PCDHA5: variants seen among roughly 807,000 people sequenced by gnomAD.
PCDHA5 encodes protocadherin alpha-5.
A neutral mutation model predicts 61.6 loss-of-function variants in PCDHA5; 43 were observed. The observed-to-expected ratio is 0.70, with a 90% confidence interval of 0.55 to 0.90. The LOEUF (loss-of-function observed/expected upper bound fraction) is 0.90, where lower values mean the gene tolerates loss of function less well. Among genes scored for constraint, PCDHA5 ranks in the 40% least tolerant of loss-of-function variants. The pLI is 0.00. For synonymous variants in PCDHA5, 627 were observed against 543.9 expected (o/e 1.15, Z -2.13); for missense variants, 1,298 against 1,222.7 (o/e 1.06, Z -0.92).
intron 1 of PCDHA5, among the ~76,000 whole-genome samples, chr5:140,909,491 A>T (rs1031839388): frequency 1.3e-5 from 2 of 152,218 alleles, no homozygotes; most frequent in Non-Finnish European, 2.9e-5. Flanking sequence ...GGAGAGCTGA[A>T]CGGGGATGTG....
At chr5:140,843,653 C>G in intron 1 of PCDHA5, 1 of 1,595,020 alleles carries the variant, frequency 6.3e-7, no homozygotes, top group Non-Finnish European at 8.6e-7. Context: ...CTGCCTTCCT[C>G]CTGATCTGGG....
chr5:140,866,610 G>A (rs1177328697), intron 1 of PCDHA5: 2 of 152,124 alleles, frequency 1.3e-5, no homozygotes, highest in Admixed American at 1.3e-4. Context: ...TGGTTTTGGA[G>A]AACCTCCTGG....
intron 1 of PCDHA5, among the ~76,000 whole-genome samples, chr5:140,892,079 G>A (rs985463495): frequency 2.0e-5 from 3 of 152,066 alleles, no homozygotes; most frequent in Admixed American, 6.6e-5. Context: ...ATAATTTCTA[G>A]TTTCCTCTCG....
chr5:140,830,435 A>G (rs1771062233), intron 1 of PCDHA5: 2 of 1,613,132 alleles, frequency 1.2e-6, no homozygotes, highest in African/African-American at 2.7e-5. Context: ...TTGTCCTATT[A>G]TGATGGGTAA....
intron 1 of PCDHA5, among the ~76,000 whole-genome samples, chr5:140,940,929 A>G (rs2092704989): frequency 1.3e-5 from 2 of 152,230 alleles, no homozygotes; most frequent in Non-Finnish European, 2.9e-5. Flanking sequence ...CTCCTTGGCT[A>G]CTTAGACTAC....
chr5:140,826,565 G>T (rs1768967744), intron 1 of PCDHA5, among the ~76,000 whole-genome samples: 1 of 152,090 alleles, frequency 6.6e-6, no homozygotes, highest in South Asian at 2.1e-4. Flanking sequence ...TTGAAGGAGG[G>T]GTTTAATCAC....
chr5:140,872,717 T>TA (rs781995084), intron 1 of PCDHA5, among the ~76,000 whole-genome samples: 11 of 152,194 alleles, frequency 7.2e-5, no homozygotes, highest in Non-Finnish European at 1.5e-4. Context: ...ACTAGGTAAA[T>TA]AAAATTATTC....
intron 1 of PCDHA5, chr5:140,842,155 A>G (rs1554138828): frequency 1.2e-6 from 2 of 1,613,884 alleles, no homozygotes; most frequent in East Asian, 2.2e-5. Context: ...GGGCAATTTC[A>G]TATTCTTTTA....
chr5:140,993,996 G>T (rs1163632974), intron 3 of PCDHA5, among the ~76,000 whole-genome samples: 1 of 152,148 alleles, frequency 6.6e-6, no homozygotes, highest in Non-Finnish European at 1.5e-5. Flanking sequence ...CTTAGGTCAG[G>T]CCAGGCTCTG....
At chr5:140,824,425 C>T (rs1768118879) in intron 1 of PCDHA5, 1 of 502,786 alleles carries the variant, frequency 2.0e-6, no homozygotes, top group Non-Finnish European at 3.5e-6. Flanking sequence ...TGGAGTCATT[C>T]TCAAAGTTTC....
chr5:140,970,423 G>A (rs2096404787), intron 1 of PCDHA5, among the ~76,000 whole-genome samples: 1 of 151,762 alleles, frequency 6.6e-6, no homozygotes, highest in Admixed American at 6.6e-5. Context: ...AAGGTGTAGA[G>A]GCAGGTGTTA....
intron 1 of PCDHA5, among the ~76,000 whole-genome samples, chr5:140,838,112 GT>G (rs1775545429): frequency 6.7e-6 from 1 of 149,312 alleles, no homozygotes; most frequent in Non-Finnish European, 1.5e-5. Context: ...GTGTGTGTGT[GT>G]GTGTGTGTGT....
At chr5:140,860,280 G>A (rs1339122152) in intron 1 of PCDHA5, 2 of 151,906 alleles carry the variant, frequency 1.3e-5, no homozygotes, top group Admixed American at 1.3e-4. Context: ...ACTTGGGAGG[G>A]TGAGGTGGGA....
At chr5:140,825,740 A>G (rs1768694817) in intron 1 of PCDHA5, 1 of 152,450 alleles carries the variant, frequency 6.6e-6, no homozygotes, top group South Asian at 2.1e-4. Flanking sequence ...TATATTGATG[A>G]GGAGTAACTG....
intron 1 of PCDHA5, among the ~76,000 whole-genome samples, chr5:140,840,978 T>C (rs1453461465): frequency 6.6e-6 from 1 of 152,022 alleles, no homozygotes; most frequent in African/African-American, 2.4e-5. Context: ...GAAGAAGAAA[T>C]CCCTAGCTGA....
intron 1 of PCDHA5, chr5:140,871,192 G>T (rs1582019516): frequency 2.5e-6 from 4 of 1,613,668 alleles, no homozygotes; most frequent in Non-Finnish European, 3.4e-6. Flanking sequence ...GGATGTCAAC[G>T]TGTACCTGAT....
intron 1 of PCDHA5, among the ~76,000 whole-genome samples, chr5:140,840,107 G>A (rs2150303526): frequency 2.6e-5 from 4 of 151,884 alleles, no homozygotes; most frequent in East Asian, 1.9e-4. Flanking sequence ...TAGTGAAATC[G>A]AGTGAAAGCT....
chr5:140,911,134 C>T (rs2075341856), intron 1 of PCDHA5, among the ~76,000 whole-genome samples: 1 of 152,108 alleles, frequency 6.6e-6, no homozygotes. Context: ...TCAGGCAGTG[C>T]AGGGTTTTTC....
intron 1 of PCDHA5, among the ~76,000 whole-genome samples, chr5:140,844,353 G>A (rs1249392344): frequency 6.7e-6 from 1 of 148,820 alleles, no homozygotes; most frequent in Admixed American, 6.7e-5. Context: ...AAATCAAGAG[G>A]GAAGAGATTT....
Sources: allele counts gnomAD v4.1 joint callset (sites outside exome capture counted in the v4.1 genomes callset), GRCh38; gene constraint gnomAD v4.1.1; transcripts MANE v1.5; gene names NCBI Gene and HGNC (gene_info 2026-07-23, HGNC 2026-07-21).